Variants in SASH1 observed in about 807,000 individuals in gnomAD.
SASH1 encodes the protein SAM and SH3 domain containing 1.
Under a neutral mutation model 125.2 loss-of-function variants are expected in SASH1, and 44 were observed. That is an observed-to-expected ratio of 0.35 (90% CI 0.28 to 0.45). The LOEUF (loss-of-function observed/expected upper bound fraction) is 0.45. SASH1 is among the 20% of genes least tolerant of loss of function. SASH1 has a pLI of 1.00. For synonymous variants in SASH1, 639 were observed against 649.1 expected, an observed-to-expected ratio of 0.98 and a Z score of 0.24; for missense variants, 1,426 against 1,614.5, an observed-to-expected ratio of 0.88 and a Z score of 2.00.
chr6:148,457,234 G>C (rs1385224380), intron 4 of SASH1, among the ~76,000 whole-genome samples: 1 of 119,270 alleles, frequency 8.4e-6, no homozygotes, highest in Non-Finnish European at 1.6e-5. Context: ...ATCATCAAAA[G>C]TCAGAATTTG....
At chr6:148,217,365 G>C in the SASH1 span, among the ~76,000 whole-genome samples, 3 of 152,168 alleles carry the variant, frequency 2.0e-5, no homozygotes, top group African/African-American at 7.2e-5. Context: ...TTACTGTTTG[G>C]CATGTGCTGC....
chr6:148,446,209 C>A (rs567625286), intron 4 of SASH1, among the ~76,000 whole-genome samples: 2 of 149,538 alleles, frequency 1.3e-5, no homozygotes, highest in African/African-American at 2.5e-5. Flanking sequence ...CCCAGGTCCA[C>A]GCCATTCTCC....
At chr6:148,503,531 C>A (rs1779645734) in intron 8 of SASH1, among the ~76,000 whole-genome samples, 1 of 152,138 alleles carries the variant, frequency 6.6e-6, no homozygotes. Context: ...AAACATACAG[C>A]TTTAAAAAAT....
intron 2 of SASH1, among the ~76,000 whole-genome samples, chr6:148,404,280 A>G (rs1328951420): frequency 6.6e-6 from 1 of 152,230 alleles, no homozygotes; most frequent in Non-Finnish European, 1.5e-5. Flanking sequence ...AACATAAAAT[A>G]TGTTAACAAG....
At chr6:148,243,240 C>T in the SASH1 span, among the ~76,000 whole-genome samples, 2 of 152,010 alleles carry the variant, frequency 1.3e-5, no homozygotes, top group African/African-American at 4.8e-5. Context: ...CACCTGAGGT[C>T]GGGAGTTCAA....
At chr6:148,358,727 GTTTTT>G (rs368773838) in intron 1 of SASH1, among the ~76,000 whole-genome samples, 32 of 98,784 alleles carry the variant, frequency 3.2e-4, no homozygotes, top group Non-Finnish European at 3.1e-4. Context: ...CTAATGCCAT[GTTTTT>G]GTTTTTTTTT....
intron 10 of SASH1, among the ~76,000 whole-genome samples, chr6:148,521,381 A>ACG (rs1426557581): frequency 6.6e-6 from 1 of 152,166 alleles, no homozygotes; most frequent in Non-Finnish European, 1.5e-5. Flanking sequence ...TCTTCCCCAG[A>ACG]CGATCAGTGT....
intron 1 of SASH1, among the ~76,000 whole-genome samples, chr6:148,293,401 T>A (rs1281418904): frequency 1.3e-5 from 2 of 152,222 alleles, no homozygotes; most frequent in Non-Finnish European, 2.9e-5. Flanking sequence ...GAAGTGTCCT[T>A]GAACTGTTTG....
In SASH1 at chr6:148,549,334, A is replaced by G. The variant is rs995538430; in HGVS notation, c.*776A>G. 6.2e-6 allele frequency: 2 copies of G among 321,042 alleles called. No individual in the cohort carries two copies. The highest frequency in any genetic ancestry group is 2.1e-5 in the African/African-American group (1 of 47,190). 19.9% of individuals were successfully genotyped at this position (321,042 alleles called of 1,614,324 possible). A position where few individuals can be genotyped will look rare whatever the true frequency, so the allele number is the denominator to read the frequency against. ...GAGGTATTCATCAGCCACACACTTC[A>G]TGTTGGTTTTTGGTTTTTAAGCTAA... is the stretch of plus-strand genomic sequence containing the variant. On this transcript the variant is annotated 3_prime_UTR_variant, in exon 20 of 20. Transcript: ENST00000367467.
At chr6:148,255,770 G>A in the SASH1 span, among the ~76,000 whole-genome samples, 3 of 152,070 alleles carry the variant, frequency 2.0e-5, no homozygotes, top group African/African-American at 7.2e-5. Context: ...AGCCTCCTGA[G>A]TAGCTGGGAC....
intron 4 of SASH1, among the ~76,000 whole-genome samples, chr6:148,455,950 G>A (rs556573258): frequency 6.6e-6 from 1 of 152,142 alleles, no homozygotes; most frequent in Non-Finnish European, 1.5e-5. Flanking sequence ...CTCCCCTGCT[G>A]CCCCCAGGGC....
At chr6:148,508,986 A>T in intron 8 of SASH1, 2 of 559,776 alleles carry the variant, frequency 3.6e-6, no homozygotes, top group Non-Finnish European at 6.2e-6. Context: ...TTTCTTCTTA[A>T]ATTCCTCTAG....
intron 1 of SASH1, among the ~76,000 whole-genome samples, chr6:148,307,032 CTTTCT>C (rs1780148592): frequency 2.3e-5 from 1 of 43,968 alleles, no homozygotes; most frequent in East Asian, 6.5e-4. Flanking sequence ...TCTTTTCTTT[CTTTCT>C]TTCTTTCTTT....
intron 4 of SASH1, among the ~76,000 whole-genome samples, chr6:148,450,557 T>C (rs1777047259): frequency 6.6e-6 from 1 of 152,074 alleles, no homozygotes; most frequent in East Asian, 1.9e-4. Context: ...CTAGTAGCAT[T>C]TTCCATGGAT....
At chr6:148,518,327 G>C (rs1178795493) in intron 9 of SASH1, among the ~76,000 whole-genome samples, 36 of 152,178 alleles carry the variant, frequency 2.4e-4, no homozygotes, top group Admixed American at 2.4e-3. Flanking sequence ...ACCACCGTCT[G>C]CTGGGCATGA....
intron 8 of SASH1, among the ~76,000 whole-genome samples, chr6:148,508,229 G>A (rs552930245): frequency 1.1e-4 from 17 of 152,290 alleles, no homozygotes; most frequent in Middle Eastern, 3.4e-3. Flanking sequence ...AACTCTAGGA[G>A]AAAACCACAA....
At chr6:148,245,013 T>C in the SASH1 span, among the ~76,000 whole-genome samples, 2 of 151,312 alleles carry the variant, frequency 1.3e-5, no homozygotes, top group Non-Finnish European at 2.9e-5. Context: ...ATCTTGGTAT[T>C]CCTTTTTCAA....
At chr6:148,483,910 G>C (rs2115185280) in intron 7 of SASH1, among the ~76,000 whole-genome samples, 1 of 152,198 alleles carries the variant, frequency 6.6e-6, no homozygotes, top group East Asian at 1.9e-4. Flanking sequence ...GTCCATAGGA[G>C]GTTTTTAAAA....
intron 1 of SASH1, among the ~76,000 whole-genome samples, chr6:148,382,987 C>A (rs981505917): frequency 2.0e-5 from 3 of 152,226 alleles, no homozygotes; most frequent in African/African-American, 7.2e-5. Context: ...TCCAGCTCAA[C>A]CCATCTGTAG....
Sources: gnomAD v4.1 joint callset for allele counts (sites outside exome capture counted in the v4.1 genomes callset) on GRCh38, gnomAD v4.1.1 for gene constraint, MANE v1.5 for transcripts, NCBI Gene and HGNC (gene_info 2026-07-23, HGNC 2026-07-21) for gene names.